Variants in STEAP1B observed in about 807,000 individuals in gnomAD.
STEAP1B encodes the protein STEAP family member 1B.
A neutral mutation model predicts 27.9 loss-of-function variants in STEAP1B; 13 were observed. That is an observed-to-expected ratio of 0.47 (90% CI 0.30 to 0.74). The LOEUF (loss-of-function observed/expected upper bound fraction) is 0.74, where lower values mean the gene tolerates loss of function less well. Among genes scored for constraint, STEAP1B ranks in the 30% least tolerant of loss-of-function variants. The pLI is 0.06. For synonymous variants in STEAP1B, 86 were observed against 107.1 expected, an observed-to-expected ratio of 0.80 and a Z score of 1.22; for missense variants, 250 against 298.7, an observed-to-expected ratio of 0.84 and a Z score of 1.20.
chr7:22,422,579 C>T (rs568740047), intron 4 of STEAP1B, among the ~76,000 whole-genome samples: 52 of 151,916 alleles, frequency 3.4e-4, no homozygotes, highest in African/African-American at 1.1e-3. Flanking sequence ...TTGCAACTTC[C>T]GCCTCCTAGG....
chr7:22,438,235 T>A (rs1359453454), intron 4 of STEAP1B, among the ~76,000 whole-genome samples: 1 of 152,214 alleles, frequency 6.6e-6, no homozygotes, highest in African/African-American at 2.4e-5. Context: ...TCCTGAGCTC[T>A]CCCATGGCCA....
chr7:22,489,783 T>C (rs948354459), intron 4 of STEAP1B, among the ~76,000 whole-genome samples: 17 of 152,222 alleles, frequency 1.1e-4, no homozygotes, highest in Admixed American at 5.2e-4. Context: ...AGCAGTTTTT[T>C]CCAATTCTGT....
At chr7:22,431,156 T>C (rs1174261948) in intron 4 of STEAP1B, among the ~76,000 whole-genome samples, 1 of 152,138 alleles carries the variant, frequency 6.6e-6, no homozygotes, top group Non-Finnish European at 1.5e-5. Flanking sequence ...ATTGGCGCAG[T>C]AACGAAAAAC....
chr7:22,460,246 T>C (rs1785655893), intron 4 of STEAP1B, among the ~76,000 whole-genome samples: 1 of 150,900 alleles, frequency 6.6e-6, no homozygotes, highest in African/African-American at 2.4e-5. Flanking sequence ...GAGGATCACT[T>C]GAGCCTGGGA....
chr7:22,482,908 T>C (rs1400550572), intron 4 of STEAP1B, among the ~76,000 whole-genome samples: 2 of 152,154 alleles, frequency 1.3e-5, no homozygotes, highest in Non-Finnish European at 2.9e-5. Context: ...CCCTGGATCT[T>C]GTCTCAGGTC....
intron 1 of STEAP1B, among the ~76,000 whole-genome samples, chr7:22,499,653 A>G (rs1786501624): frequency 1.3e-5 from 2 of 152,188 alleles, no homozygotes; most frequent in Admixed American, 6.5e-5. Flanking sequence ...GAGTAGGGCC[A>G]GTGTTCTAAG....
At chr7:22,488,468 G>A (rs1583353766) in intron 4 of STEAP1B, among the ~76,000 whole-genome samples, 1 of 152,182 alleles carries the variant, frequency 6.6e-6, no homozygotes, top group African/African-American at 2.4e-5. Context: ...AGGGACAGTG[G>A]GAATCAGAAG....
At chr7:22,476,408 G>GA (rs1362559140) in intron 4 of STEAP1B, among the ~76,000 whole-genome samples, 1 of 152,164 alleles carries the variant, frequency 6.6e-6, no homozygotes, top group Non-Finnish European at 1.5e-5. Flanking sequence ...GCCCAGGGGT[G>GA]GTGGGCTGGA....
At chr7:22,449,060 A>AT (rs1785447829) in intron 4 of STEAP1B, among the ~76,000 whole-genome samples, 1 of 152,208 alleles carries the variant, frequency 6.6e-6, no homozygotes, top group Non-Finnish European at 1.5e-5. Flanking sequence ...AGATGTTTTG[A>AT]TATAGGTATG....
Position 22,493,155 on chromosome 7 carries a change from C to T in STEAP1B, c.597+169G>A, listed in dbSNP as rs1259820331. ...TAAAAAACATTTCTCAATATAAAAC[C>T]GACTGACAACCAAGCCCTAGTGTAA... On this transcript the variant is annotated intron_variant, in intron 3 of 4. Coordinates refer to ENST00000678116, the MANE Select transcript of STEAP1B (RefSeq NM_001382447.1). 2.6e-5 allele frequency among the ~76,000 whole-genome samples: 4 copies of T among 152,050 alleles called. No individual in the cohort carries two copies. In the East Asian group the frequency reaches 7.7e-4, roughly 29 times the overall value.
intron 4 of STEAP1B, among the ~76,000 whole-genome samples, chr7:22,462,174 T>C (rs1785689253): frequency 6.6e-6 from 1 of 152,210 alleles, no homozygotes; most frequent in South Asian, 2.1e-4. Context: ...GCTTCACTCC[T>C]GGATTAGAGA....
chr7:22,443,272 A>T (rs1785361927), intron 4 of STEAP1B, among the ~76,000 whole-genome samples: 1 of 152,218 alleles, frequency 6.6e-6, no homozygotes, highest in African/African-American at 2.4e-5. Flanking sequence ...AAATCCTAGT[A>T]TCATGTTCTT....
chr7:22,469,819 C>T (rs1562578261), intron 4 of STEAP1B, among the ~76,000 whole-genome samples: 4 of 152,172 alleles, frequency 2.6e-5, no homozygotes, highest in African/African-American at 9.7e-5. Flanking sequence ...TTAAGTGATG[C>T]ATGAGTGCAT....
intron 4 of STEAP1B, among the ~76,000 whole-genome samples, chr7:22,451,917 A>G (rs924204807): frequency 1.8e-4 from 27 of 152,166 alleles, no homozygotes; most frequent in South Asian, 1.2e-3. Context: ...CGAGTTTGGA[A>G]GTACACTCCT....
intron 4 of STEAP1B, among the ~76,000 whole-genome samples, chr7:22,488,217 G>A (rs1250367246): frequency 1.3e-5 from 2 of 152,164 alleles, no homozygotes; most frequent in Non-Finnish European, 2.9e-5. Context: ...CTGTTAGCCT[G>A]GGCACATGCT....
At chr7:22,483,230 A>G (rs1786116323) in intron 4 of STEAP1B, among the ~76,000 whole-genome samples, 1 of 152,070 alleles carries the variant, frequency 6.6e-6, no homozygotes, top group South Asian at 2.1e-4. Flanking sequence ...AACCCTACTC[A>G]TTCTGTCATC....
At chr7:22,437,330 C>G (rs1006428313) in intron 4 of STEAP1B, among the ~76,000 whole-genome samples, 2 of 152,150 alleles carry the variant, frequency 1.3e-5, no homozygotes, top group African/African-American at 4.8e-5. Context: ...TTTTAGATTC[C>G]TCAAACAAGT....
intron 4 of STEAP1B, among the ~76,000 whole-genome samples, chr7:22,435,088 T>C (rs1329336043): frequency 6.6e-6 from 1 of 152,118 alleles, no homozygotes; most frequent in Non-Finnish European, 1.5e-5. Context: ...GTTAACATAG[T>C]TCCAGAGTTC....
chr7:22,464,556 G>C (rs990913705), intron 4 of STEAP1B, among the ~76,000 whole-genome samples: 1 of 152,158 alleles, frequency 6.6e-6, no homozygotes, highest in Non-Finnish European at 1.5e-5. Flanking sequence ...CATATTTGGA[G>C]ACAGTGCCTT....
Sources: allele counts gnomAD v4.1 joint callset (sites outside exome capture counted in the v4.1 genomes callset), GRCh38; gene constraint gnomAD v4.1.1; transcripts MANE v1.5; gene names NCBI Gene and HGNC (gene_info 2026-07-23, HGNC 2026-07-21).